The following FBXO46 variants were observed in gnomAD, a reference collection of about 807,000 sequenced individuals.
The protein encoded by FBXO46 is F-box only protein 46.
FBXO46 carries 13 observed loss-of-function variants against 30.7 expected under a neutral mutation model. The observed-to-expected ratio is 0.42, with a 90% confidence interval of 0.28 to 0.67. The LOEUF (loss-of-function observed/expected upper bound fraction) is 0.67, where lower values mean the gene tolerates loss of function less well. Among genes scored for constraint, FBXO46 ranks in the 30% least tolerant of loss-of-function variants. The probability of loss-of-function intolerance (pLI) is 0.21; values close to 1 mark genes in which losing one functional copy is unlikely to be tolerated. For missense variants in FBXO46, 754 were observed against 871.5 expected, an observed-to-expected ratio of 0.87 and a Z score of 1.70; for synonymous variants, 467 against 385.8, an observed-to-expected ratio of 1.21 and a Z score of -2.47.
At chr19:45,723,817 G>A (rs1968204817) in intron 1 of FBXO46, among the ~76,000 whole-genome samples, 1 of 151,836 alleles carries the variant, frequency 6.6e-6, no homozygotes, top group Admixed American at 6.6e-5. Flanking sequence ...GCGCCACCAC[G>A]CCCAGCTAAT....
intron 1 of FBXO46, chr19:45,714,506 A>C (rs1968059020): frequency 6.6e-6 from 1 of 152,198 alleles, no homozygotes; most frequent in African/African-American, 2.4e-5. Flanking sequence ...CCGCGGAGTA[A>C]GAGGGCCTGT....
intron 1 of FBXO46, among the ~76,000 whole-genome samples, chr19:45,720,569 T>G (rs1201468905): frequency 6.6e-6 from 1 of 152,074 alleles, no homozygotes; most frequent in Non-Finnish European, 1.5e-5. Context: ...GTGCCCAGCC[T>G]ATCCCAGCCT....
chr19:45,721,264 G>A (rs1968166649), intron 1 of FBXO46, among the ~76,000 whole-genome samples: 1 of 151,964 alleles, frequency 6.6e-6, no homozygotes, highest in South Asian at 2.1e-4. Context: ...AGGATCGCTT[G>A]AGCCCGGAAG....
In FBXO46 at chr19:45,712,135, T is replaced by A; in HGVS notation, c.1361A>T (p.His454Leu). The change falls in exon 2 of 2, where the codon CAC becomes CTC. Residue 454 changes from histidine (H) to leucine (L), a missense_variant. His to Leu is a moderately conservative substitution (Grantham distance 99). Coordinates refer to ENST00000317683, the MANE Select transcript of FBXO46 (RefSeq NM_001080469.2). The surrounding 1 kb of genome is among the most constrained non-coding windows in gnomAD (Gnocchi z 8.8). ...SLCRLYRHVSHDFLEIRFKIQ... is the reference protein window; with the variant it reads ...SLCRLYRHVSLDFLEIRFKIQ... ...CTTGAAGCGGATCTCTAGGAAGTCG[T>A]GCGACACGTGCCGGTACAAGCGGCA... is the stretch of plus-strand genomic sequence containing the variant. The A allele has an allele frequency of 6.3e-7, 1 of 1,594,636 alleles. No individual in the cohort carries two copies. Among genetic ancestry groups the A allele is most frequent in the Non-Finnish European group, 8.5e-7 (1 of 1,171,322 alleles).
At position 45,725,215 on chromosome 19, in the gene FBXO46, G is replaced by A. The variant is rs144834084; in HGVS notation, c.-79+5634C>T. Among the ~76,000 whole-genome samples the A allele has an allele frequency of 1.8e-3, 276 of 152,020 alleles. 2 individuals are homozygous for A. The highest frequency in any genetic ancestry group is 0.016 in the Admixed American group (245 of 15,232). On this transcript the variant is annotated intron_variant, in intron 1 of 1. Transcript: ENST00000317683. The stretch of plus-strand genomic sequence containing the variant: ...GTAGATCACTTGAGCTCAGGAGATC[G>A]AGACCAGCCTTGGCAGCATGTATTA...
intron 1 of FBXO46, among the ~76,000 whole-genome samples, chr19:45,719,344 A>T (rs1402796887): frequency 6.6e-6 from 1 of 152,164 alleles, no homozygotes; most frequent in Non-Finnish European, 1.5e-5. Flanking sequence ...TTACTTCTCT[A>T]CATGAGTCCC....
At chr19:45,730,660 TC>T (rs1173320482) in intron 1 of FBXO46, among the ~76,000 whole-genome samples, 188 bp downstream of exon 1, 2 of 141,582 alleles carry the variant, frequency 1.4e-5, no homozygotes, top group Non-Finnish European at 3.0e-5. Flanking sequence ...CCACCCCACC[TC>T]CAAGACCCCT....
intron 1 of FBXO46, among the ~76,000 whole-genome samples, chr19:45,721,220 C>T (rs1968165945): frequency 6.6e-6 from 1 of 151,802 alleles, no homozygotes. Context: ...CAGCATGTGC[C>T]TGCAGTCACA....
rs776385188 is a variant in FBXO46, at chr19:45,712,631, C to T, written c.865G>A (p.Ala289Thr). 3.7e-6 allele frequency: 6 copies of T among 1,602,026 alleles called. No individual in the cohort carries two copies. Among genetic ancestry groups the T allele is most frequent in the Non-Finnish European group, 2.6e-6 (3 of 1,174,064 alleles). The change falls in exon 2 of 2, where the codon GCC (alanine) becomes ACC (threonine). Residue 289 changes from alanine (A) to threonine (T), a missense_variant. By Grantham distance (58) the Ala-to-Thr change is moderately conservative. Around this residue, in one of 5 missense-constraint regions of FBXO46, gnomAD observed 454 missense variants for 426.5 expected, o/e 1.06. Coordinates refer to ENST00000317683, the MANE Select transcript of FBXO46 (RefSeq NM_001080469.2). The surrounding 1 kb of genome is among the most constrained non-coding windows in gnomAD (Gnocchi z 8.8). ...PSGGGGRPGC[A>T]YPGSPGPGAR... is the part of the protein sequence containing the mutation. ...CCAGGACCTGGGCTGCCAGGGTAGG[C>T]ACAACCAGGCCTGCCCCCGCCCCCA...
chr19:45,713,703 C>T lies in FBXO46; in HGVS notation c.-78-130G>A, dbSNP rs1968040215. 3 of 489,732 alleles carry T rather than the reference C, an allele frequency of 6.1e-6. No homozygotes were observed. The highest frequency in any genetic ancestry group is 3.3e-5 in the East Asian group (1 of 30,368). 30.3% of individuals were successfully genotyped at this position (489,732 alleles called of 1,614,324 possible). On this transcript the variant is annotated intron_variant, in intron 1 of 1. Transcript: ENST00000317683. The surrounding 1 kb of genome is among the most constrained non-coding windows in gnomAD (Gnocchi z 4.7). ...CTATTCCTGGCTGGGCGCGGTGGCT[C>T]ACGCCTGTAATCCCAGCACTTTGGG... is the stretch of plus-strand genomic sequence containing the variant.
In FBXO46 at chr19:45,711,762, C is replaced by T; in HGVS notation, c.1734G>A (p.Leu578=). 5 of 1,588,224 alleles carry T rather than the reference C, an allele frequency of 3.1e-6. No individual in the cohort carries two copies. Among genetic ancestry groups the T allele is most frequent in the Non-Finnish European group, 4.3e-6 (5 of 1,170,990 alleles). ...GCACCCAGTTGTTATCGTGGAGGCC[C>T]AGGCGGCAGCCGGGAGTCTCGCGGT... is the stretch of plus-strand genomic sequence containing the variant. ...RADRETPGCR[L]GLHDNNWVLP... is the part of the protein sequence containing the mutation. Residue 578 remains leucine, a synonymous_variant, in exon 2 of 2, where the codon CTG becomes CTA. Transcript: ENST00000317683.
At chr19:45,716,214 A>G (rs1236807544) in intron 1 of FBXO46, 4 of 152,196 alleles carry the variant, frequency 2.6e-5, no homozygotes, top group African/African-American at 9.7e-5. Flanking sequence ...AAATCCGAAG[A>G]AATCCAAAAT....
upstream of FBXO46, among the ~76,000 whole-genome samples, chr19:45,731,886 G>A (rs1968320349): frequency 1.3e-5 from 2 of 151,824 alleles, no homozygotes; most frequent in South Asian, 4.2e-4. Flanking sequence ...GGGAGGCCGA[G>A]GCGGGCTGAT....
In FBXO46 at chr19:45,711,571, A is replaced by C; in HGVS notation, c.*113T>G. ...AACCCCAGCTCAGTTCCGGTGAGGGATCAATGCTGCCTGGAGTAGGGGAAT... is the reference window on the plus strand; with the variant it reads ...AACCCCAGCTCAGTTCCGGTGAGGGCTCAATGCTGCCTGGAGTAGGGGAAT... On this transcript the variant is annotated 3_prime_UTR_variant, in exon 2 of 2. Transcript: ENST00000317683. 1 of 839,834 alleles carries C rather than the reference A, an allele frequency of 1.2e-6. No individual in the cohort carries two copies. Among genetic ancestry groups the C allele is most frequent in the Non-Finnish European group, 2.0e-6 (1 of 511,472 alleles). The allele number at this position is 839,834 out of a possible 1,614,324, so 52.0% of individuals were successfully genotyped here.
At chr19:45,720,272 CA>C (rs1968151763) in intron 1 of FBXO46, among the ~76,000 whole-genome samples, 1 of 152,172 alleles carries the variant, frequency 6.6e-6, no homozygotes, top group Non-Finnish European at 1.5e-5. Flanking sequence ...GCTGGGACTA[CA>C]GGTGTGCGCC....
chr19:45,731,270 C>G (rs2146165889), upstream of FBXO46, among the ~76,000 whole-genome samples: 1 of 151,198 alleles, frequency 6.6e-6, no homozygotes, highest in Middle Eastern at 3.5e-3. Flanking sequence ...AACACAATAG[C>G]TAACAGCTCC....
At chr19:45,723,094 C>T (rs1277191088) in intron 1 of FBXO46, among the ~76,000 whole-genome samples, 1 of 151,768 alleles carries the variant, frequency 6.6e-6, no homozygotes, top group Non-Finnish European at 1.5e-5. Context: ...AAAGTGAAGG[C>T]TGTGGGTGGT....
intron 1 of FBXO46, among the ~76,000 whole-genome samples, chr19:45,722,838 T>C (rs1278132670): frequency 4.0e-5 from 6 of 151,196 alleles, no homozygotes; most frequent in African/African-American, 9.7e-5. Context: ...AAGCGGGCAC[T>C]TGAGGTCAGG....
chr19:45,711,637 G>A lies in FBXO46; in HGVS notation c.*47C>T. 3 of 1,416,734 alleles carry A rather than the reference G, an allele frequency of 2.1e-6. No homozygotes were observed. Among genetic ancestry groups the A allele is most frequent in the Non-Finnish European group, 1.9e-6 (2 of 1,038,724 alleles). The allele number at this position is 1,416,734 out of a possible 1,614,324, so 87.8% of individuals were successfully genotyped here. A position where few individuals can be genotyped will look rare whatever the true frequency, so the allele number is the denominator to read the frequency against. On this transcript the variant is annotated 3_prime_UTR_variant, in exon 2 of 2. Coordinates refer to ENST00000317683, the MANE Select transcript of FBXO46 (RefSeq NM_001080469.2). ...TCCGGACCCTCGGCTCCCGGGGGGA[G>A]AGGGGAGGGGTGGGCGTGGTGGGCT...
Sources: gnomAD v4.1 joint callset for allele counts (sites outside exome capture counted in the v4.1 genomes callset) on GRCh38, gnomAD v4.1.1 for gene constraint, gnomAD v4.1.1 regional missense constraint, Gnocchi (gnomAD v3.1) non-coding constraint, MANE v1.5 for transcripts, NCBI Gene and HGNC (gene_info 2026-07-23, HGNC 2026-07-21) for gene names.